Variants in UST observed in about 807,000 individuals in gnomAD.
UST encodes uronyl 2-sulfotransferase, also known as chondroitin sulfate 2-O-sulfotransferase.
Under a neutral mutation model 45.6 loss-of-function variants are expected in UST, and 21 were observed. The observed-to-expected ratio is 0.46, with a 90% CI of 0.33 to 0.66. The LOEUF is 0.66. UST is among the 30% of genes least tolerant of loss of function. The pLI, the probability that UST is intolerant of heterozygous loss-of-function variation, is 0.02. For missense variants in UST, 463 were observed against 512.4 expected, an observed-to-expected ratio of 0.90 and a Z score of 0.93; for synonymous variants, 215 against 200.6, an observed-to-expected ratio of 1.07 and a Z score of -0.61.
chr6:148,784,308 A>G (rs1290477502), intron 1 of UST, among the ~76,000 whole-genome samples: 1 of 152,244 alleles, frequency 6.6e-6, no homozygotes, highest in Non-Finnish European at 1.5e-5. Context: ...AGTTATGAAG[A>G]GTTTAAACAT....
chr6:148,802,363 A>T (rs1183748197), intron 1 of UST, among the ~76,000 whole-genome samples: 1 of 152,240 alleles, frequency 6.6e-6, no homozygotes, highest in South Asian at 2.1e-4. Context: ...ACCATCTGCC[A>T]TATTTTTGAA....
At chr6:148,751,996 A>G (rs936850249) in intron 1 of UST, among the ~76,000 whole-genome samples, 1 of 152,204 alleles carries the variant, frequency 6.6e-6, no homozygotes, top group Non-Finnish European at 1.5e-5. Context: ...TGTGATTTAG[A>G]CTTTATGGGA....
intron 2 of UST, among the ~76,000 whole-genome samples, chr6:148,889,675 C>T (rs193212838): frequency 2.6e-5 from 4 of 152,296 alleles, no homozygotes; most frequent in African/African-American, 9.6e-5. Flanking sequence ...AGACCCAGAC[C>T]CTTTTTTTAT....
chr6:149,047,324 A>G (rs1248672246), intron 7 of UST, among the ~76,000 whole-genome samples: 1 of 152,226 alleles, frequency 6.6e-6, no homozygotes, highest in Non-Finnish European at 1.5e-5. Flanking sequence ...GTTTTTAGGA[A>G]AAATTAAGGA....
chr6:148,861,165 A>T (rs1778304666), intron 1 of UST, among the ~76,000 whole-genome samples: 1 of 152,188 alleles, frequency 6.6e-6, no homozygotes, highest in Non-Finnish European at 1.5e-5. Flanking sequence ...TTATTGCCTC[A>T]ATTTCTGAAT....
intron 1 of UST, among the ~76,000 whole-genome samples, chr6:148,773,396 G>T (rs1262966359): frequency 6.6e-6 from 1 of 151,942 alleles, no homozygotes; most frequent in Non-Finnish European, 1.5e-5. Flanking sequence ...GGGAAGTAGA[G>T]GTTGCAGTGA....
chr6:148,990,710 G>A (rs1279509385), intron 5 of UST, among the ~76,000 whole-genome samples: 2 of 152,142 alleles, frequency 1.3e-5, no homozygotes, highest in Non-Finnish European at 2.9e-5. Flanking sequence ...AATTGATTAA[G>A]AGGTTCTTTC....
intron 1 of UST, among the ~76,000 whole-genome samples, chr6:148,763,869 A>G (rs1776268879): frequency 6.6e-6 from 1 of 152,120 alleles, no homozygotes; most frequent in Non-Finnish European, 1.5e-5. Flanking sequence ...CTGTTTTTGT[A>G]CCAGTACCAT....
intron 1 of UST, among the ~76,000 whole-genome samples, chr6:148,824,195 A>T (rs1276330791): frequency 6.6e-6 from 1 of 152,210 alleles, no homozygotes; most frequent in East Asian, 1.9e-4. Context: ...AGTTCAAGTT[A>T]TGTTGAAGAA....
chr6:148,858,085 C>T (rs1262993882), intron 1 of UST, among the ~76,000 whole-genome samples: 1 of 152,104 alleles, frequency 6.6e-6, no homozygotes, highest in Non-Finnish European at 1.5e-5. Flanking sequence ...AGTCAGTGTT[C>T]TGTAGAGGCA....
intron 1 of UST, among the ~76,000 whole-genome samples, chr6:148,811,436 A>G (rs747443028): frequency 1.3e-5 from 2 of 152,214 alleles, no homozygotes; most frequent in African/African-American, 2.4e-5. Context: ...CTGCTTCTCA[A>G]TGTCTTATAG....
chr6:149,008,273 A>G (rs1268039964), intron 5 of UST, among the ~76,000 whole-genome samples: 4 of 152,176 alleles, frequency 2.6e-5, no homozygotes, highest in Admixed American at 6.5e-5. Flanking sequence ...TTCCATTTTG[A>G]AGTTACAGGG....
At chr6:149,052,436 T>C (rs916720646) in intron 7 of UST, among the ~76,000 whole-genome samples, 1 of 152,196 alleles carries the variant, frequency 6.6e-6, no homozygotes, top group South Asian at 2.1e-4. Flanking sequence ...GAAGATACTA[T>C]TATTATGTCC....
intron 5 of UST, among the ~76,000 whole-genome samples, chr6:149,017,589 G>A (rs1775921999): frequency 6.6e-6 from 1 of 151,506 alleles, no homozygotes; most frequent in Non-Finnish European, 1.5e-5. Flanking sequence ...ATATTGTCCT[G>A]TAGTCTATAC....
chr6:148,826,616 TCTAA>T (rs369964687), intron 1 of UST, among the ~76,000 whole-genome samples: 7 of 152,324 alleles, frequency 4.6e-5, no homozygotes, highest in African/African-American at 1.7e-4. Flanking sequence ...ATTGGCATGG[TCTAA>T]CTTTCAACTT....
intron 5 of UST, chr6:148,990,537 A>G (rs1781329182): frequency 8.5e-6 from 4 of 472,028 alleles, no homozygotes; most frequent in Admixed American, 6.4e-5. Flanking sequence ...TCAGATTCAT[A>G]TTTTCCATCT....
intron 1 of UST, among the ~76,000 whole-genome samples, chr6:148,773,142 A>G (rs1005507510): frequency 7.9e-5 from 12 of 152,304 alleles, no homozygotes; most frequent in African/African-American, 2.9e-4. Flanking sequence ...TTTTAATTTT[A>G]CCTAAATTTA....
rs183978035 is a variant in UST, at chr6:148,980,794, G to A, written c.681+16231G>A. Among the ~76,000 whole-genome samples the A allele has an allele frequency of 2.7e-3, 415 of 151,962 alleles. 6 individuals carry two copies. Among genetic ancestry groups the A allele is most frequent in the Non-Finnish European group, 3.7e-3 (251 of 67,962 alleles). On this transcript the variant is annotated intron_variant, in intron 5 of 7. Coordinates refer to ENST00000367463, the MANE Select transcript of UST (RefSeq NM_005715.3). ...AGTGCAGTGGTTGGGATCTCAGCTCGCTGCAGCCTCTACCTCCCAGGTTCA... is the reference window on the plus strand; with the variant it reads ...AGTGCAGTGGTTGGGATCTCAGCTCACTGCAGCCTCTACCTCCCAGGTTCA...
rs528427013 is a variant in UST, at chr6:149,036,201, A to T, written c.937+14720A>T. ...TGGCTGTGGAGGGAACTGGGGTCCC[A>T]GCTGCTTCATACCTAGACTGCCAGC... On this transcript the variant is annotated intron_variant, in intron 7 of 7. Coordinates refer to ENST00000367463, the MANE Select transcript of UST (RefSeq NM_005715.3). Among the ~76,000 whole-genome samples the T allele has an allele frequency of 1.4e-4, 22 of 152,308 alleles. No individual in the cohort carries two copies. The South Asian group carries it at 4.6e-3, about 32-fold the overall frequency.
Sources: gnomAD v4.1 joint callset for allele counts (sites outside exome capture counted in the v4.1 genomes callset) on GRCh38, gnomAD v4.1.1 for gene constraint, MANE v1.5 for transcripts, NCBI Gene and HGNC (gene_info 2026-07-23, HGNC 2026-07-21) for gene names.